The following SGCD variants were observed in gnomAD, a reference collection of about 807,000 sequenced individuals.
SGCD encodes the protein sarcoglycan delta, also known as delta-sarcoglycan.
SGCD carries 18 observed loss-of-function variants against 36.6 expected under a neutral mutation model. The ratio of observed to expected loss-of-function variants is 0.49; its 90% CI spans 0.34 to 0.73. The LOEUF is 0.73. Among genes scored for constraint, SGCD ranks in the 30% least tolerant of loss-of-function variants. SGCD has a pLI of 0.01. For synonymous variants in SGCD, 133 were observed against 130.6 expected (o/e 1.02, Z -0.12); for missense variants, 387 against 346.7 (o/e 1.12, Z -0.92).
At chr5:156,670,052 A>G (rs1256131163) in intron 7 of SGCD, among the ~76,000 whole-genome samples, 1 of 152,188 alleles carries the variant, frequency 6.6e-6, no homozygotes, top group Non-Finnish European at 1.5e-5. Flanking sequence ...GAGAGGGGCA[A>G]TGTGACTACA....
At chr5:156,454,667 G>A (rs918781097) in intron 3 of SGCD, among the ~76,000 whole-genome samples, 2 of 152,128 alleles carry the variant, frequency 1.3e-5, no homozygotes, top group Non-Finnish European at 2.9e-5. Context: ...GGTGAGCCAG[G>A]CATGGTTCTA....
intron 3 of SGCD, among the ~76,000 whole-genome samples, chr5:156,210,124 T>C (rs999906839): frequency 9.9e-5 from 15 of 152,140 alleles, no homozygotes; most frequent in Admixed American, 2.6e-4. Flanking sequence ...TGGACTCCTA[T>C]AGACCTAAGC....
rs114086162 is a variant in SGCD at position 156,334,383 on chromosome 5, T to C, written c.3+4804T>C. On this transcript the variant is annotated intron_variant, in intron 2 of 8. Transcript: ENST00000337851. ...TAAATCTGCGATCAGATGTTTGAAA[T>C]TATTTTTGCTGCCCAAGGGCATTCA... 8.5e-3 allele frequency among the ~76,000 whole-genome samples: 1,301 copies of C among 152,316 alleles called. 21 individuals carry two copies. Among genetic ancestry groups the C allele is most frequent in the African/African-American group, 0.029 (1,223 of 41,552 alleles).
At chr5:155,812,343 C>A in the SGCD span, among the ~76,000 whole-genome samples, 2 of 152,184 alleles carry the variant, frequency 1.3e-5, no homozygotes, top group African/African-American at 2.4e-5. Context: ...ACTGCACGTC[C>A]ATTCATAGGC....
At chr5:156,127,298 T>A (rs1199126891) in intron 3 of SGCD, among the ~76,000 whole-genome samples, 1 of 152,122 alleles carries the variant, frequency 6.6e-6, no homozygotes, top group Non-Finnish European at 1.5e-5. Context: ...TCATTATATA[T>A]AAATGAGTCC....
At chr5:156,008,517 A>G (rs1048534475) in intron 1 of SGCD, among the ~76,000 whole-genome samples, 3 of 152,140 alleles carry the variant, frequency 2.0e-5, no homozygotes, top group African/African-American at 2.4e-5. Flanking sequence ...CTAGGACTAT[A>G]GGCATGGACC....
At chr5:156,586,063 G>GTT (rs33956506) in intron 4 of SGCD, among the ~76,000 whole-genome samples, 18,116 of 143,992 alleles carry the variant, frequency 0.13, 1,317 homozygotes, top group African/African-American at 0.22. Context: ...TTACTTTGGT[G>GTT]TTTTTTTTTT....
chr5:156,448,852 G>T (rs955566123), intron 3 of SGCD, among the ~76,000 whole-genome samples: 1 of 144,074 alleles, frequency 6.9e-6, no homozygotes, highest in Non-Finnish European at 1.5e-5. Context: ...TGATTCAAGT[G>T]ATTCTCAAGC....
intron 4 of SGCD, among the ~76,000 whole-genome samples, chr5:156,541,603 C>G (rs1758349557): frequency 6.6e-6 from 1 of 152,024 alleles, no homozygotes; most frequent in South Asian, 2.1e-4. Flanking sequence ...AGGTCATAAA[C>G]TAAGTTTTTA....
chr5:155,812,532 T>G, the SGCD span, among the ~76,000 whole-genome samples: 6 of 152,090 alleles, frequency 3.9e-5, no homozygotes, highest in African/African-American at 1.4e-4. Context: ...CAAGAAAAAA[T>G]TTTGGTCACC....
chr5:156,273,547 T>A (rs980920984), intron 3 of SGCD, among the ~76,000 whole-genome samples: 2 of 152,226 alleles, frequency 1.3e-5, no homozygotes, highest in Non-Finnish European at 2.9e-5. Context: ...TGATGGGCTC[T>A]TTCCATTTTA....
intron 1 of SGCD, among the ~76,000 whole-genome samples, chr5:155,921,442 G>T (rs1032004683): frequency 6.6e-6 from 1 of 152,060 alleles, no homozygotes; most frequent in Non-Finnish European, 1.5e-5. Flanking sequence ...AAGATGTTTT[G>T]CCTTGTTTTA....
chr5:156,288,221 T>C (rs1431551214), intron 3 of SGCD, among the ~76,000 whole-genome samples: 1 of 152,186 alleles, frequency 6.6e-6, no homozygotes, highest in African/African-American at 2.4e-5. Context: ...TCTTTCTCTG[T>C]GTTTTTTGAG....
At chr5:156,338,779 A>C (rs186787747) in intron 2 of SGCD, among the ~76,000 whole-genome samples, 18 of 152,258 alleles carry the variant, frequency 1.2e-4, no homozygotes, top group Admixed American at 4.6e-4. Context: ...AGGTGGCTGC[A>C]TGGTCATCAC....
At chr5:156,569,280 G>A (rs1034490871) in intron 4 of SGCD, among the ~76,000 whole-genome samples, 1 of 151,946 alleles carries the variant, frequency 6.6e-6, no homozygotes, top group Admixed American at 6.6e-5. Context: ...ATTATACTAG[G>A]AGGAGACAGA....
At chr5:155,840,005 G>T in the SGCD span, among the ~76,000 whole-genome samples, 2 of 151,820 alleles carry the variant, frequency 1.3e-5, no homozygotes, top group Non-Finnish European at 2.9e-5. Flanking sequence ...CACAACTCAG[G>T]GCTGCCCTGA....
chr5:156,074,543 G>A (rs989589998), intron 1 of SGCD, among the ~76,000 whole-genome samples: 16 of 152,190 alleles, frequency 1.1e-4, no homozygotes, highest in African/African-American at 3.4e-4. Flanking sequence ...TTAGCCGGGC[G>A]TGGTGGCATG....
chr5:156,558,202 C>T (rs1466153768), intron 4 of SGCD, among the ~76,000 whole-genome samples: 1 of 149,466 alleles, frequency 6.7e-6, no homozygotes, highest in African/African-American at 2.5e-5. Context: ...ACAATGAAAG[C>T]CCATTCCACC....
At chr5:156,079,666 T>G (rs1221680636) in intron 1 of SGCD, among the ~76,000 whole-genome samples, 1 of 152,224 alleles carries the variant, frequency 6.6e-6, no homozygotes, top group Non-Finnish European at 1.5e-5. Context: ...CTTAAAGCTC[T>G]GAAATAGTCT....
Sources: allele counts gnomAD v4.1 joint callset (sites outside exome capture counted in the v4.1 genomes callset), GRCh38; gene constraint gnomAD v4.1.1; transcripts MANE v1.5; gene names NCBI Gene and HGNC (gene_info 2026-07-23, HGNC 2026-07-21).